SANBR: variants seen among roughly 807,000 people sequenced by gnomAD.
The protein encoded by SANBR is SANT and BTB domain regulator of class switch recombination.
A neutral mutation model predicts 101.8 loss-of-function variants in SANBR; 77 were observed. The observed-to-expected ratio is 0.76, with a 90% CI of 0.63 to 0.91. The LOEUF is 0.91. SANBR is among the 40% of genes least tolerant of loss of function. The probability of loss-of-function intolerance (pLI) is 0.00; values close to 1 mark genes in which losing one functional copy is unlikely to be tolerated. For synonymous variants in SANBR, 279 were observed against 274.7 expected (o/e 1.02, Z -0.15); for missense variants, 875 against 853.0 (o/e 1.03, Z -0.32).
intron 13 of SANBR, among the ~76,000 whole-genome samples, chr2:61,104,282 A>T (rs1683435819): frequency 6.6e-6 from 1 of 152,038 alleles, no homozygotes; most frequent in South Asian, 2.1e-4. Flanking sequence ...GGAGATCGAG[A>T]GCATCCTGGC....
At chr2:61,121,121 T>C in intron 20 of SANBR, 64 bp from the exon 21 acceptor site, 1 of 1,159,446 alleles carries the variant, frequency 8.6e-7, no homozygotes, top group Admixed American at 2.5e-5. Flanking sequence ...AGTAATCCCA[T>C]TTTAATAAAG....
chr2:61,100,956 C>G (rs969265753), intron 12 of SANBR, among the ~76,000 whole-genome samples: 2 of 152,022 alleles, frequency 1.3e-5, no homozygotes, highest in Non-Finnish European at 2.9e-5. Flanking sequence ...AGGATTTTGC[C>G]AGATGGGGAT....
intron 21 of SANBR, among the ~76,000 whole-genome samples, chr2:61,136,373 G>A (rs960004159): frequency 2.6e-5 from 4 of 151,714 alleles, no homozygotes; most frequent in Admixed American, 2.0e-4. Context: ...AGTGGCTCAC[G>A]CCTGTAATCC....
rs1684396986 is a variant in SANBR, at chr2:61,123,091, A to C, written c.*929A>C. 1 of 971,074 alleles carries C rather than the reference A, an allele frequency of 1.0e-6. No individual in the cohort carries two copies. Among genetic ancestry groups the C allele is most frequent in the Non-Finnish European group, 1.2e-6 (1 of 816,894 alleles). The allele number at this position is 971,074 out of a possible 1,614,324, so 60.2% of individuals were successfully genotyped here. ...CATATATTCAAGAAAAATCAAAATA[A>C]AATTCTATTTTATAAATCATGTTTA... On this transcript the variant is annotated 3_prime_UTR_variant, in exon 22 of 22. Coordinates refer to ENST00000402291, the MANE Select transcript of SANBR (RefSeq NM_001129993.3).
At chr2:61,073,577 A>C (rs770460024) in intron 5 of SANBR, 26 bp downstream of exon 5, 21 of 1,265,290 alleles carry the variant, frequency 1.7e-5, no homozygotes, top group Non-Finnish European at 2.0e-5. Context: ...TTTGCTAGAT[A>C]AGATTAAATA....
At chr2:61,106,706 T>A in intron 14 of SANBR, 44 bp downstream of exon 14, 3 of 1,116,548 alleles carry the variant, frequency 2.7e-6, no homozygotes, top group Non-Finnish European at 3.9e-6. Context: ...CATAAATAAT[T>A]AATGACATTT....
rs1441687635 is a variant in SANBR, at chr2:61,073,455, A to G, written c.338-3A>G. On this transcript the variant is annotated splice_region_variant and splice_polypyrimidine_tract_variant and intron_variant, in intron 4 of 21. Transcript: ENST00000402291. ...TTTGTATGTGTTTGTTTCTGTATTT[A>G]AGGAAGACATAGTATAGCTTCCACA... is the stretch of plus-strand genomic sequence containing the variant. 5.5e-6 allele frequency: 8 copies of G among 1,459,370 alleles called. No individual in the cohort carries two copies. The highest frequency in any genetic ancestry group is 7.5e-6 in the Non-Finnish European group (8 of 1,061,924). 90.4% of individuals were successfully genotyped at this position (1,459,370 alleles called of 1,614,324 possible). A position where few individuals can be genotyped will look rare whatever the true frequency, so the allele number is the denominator to read the frequency against.
At chr2:61,083,390 ATTCT>A in intron 8 of SANBR, 76 bp downstream of exon 8, 1 of 977,068 alleles carries the variant, frequency 1.0e-6, no homozygotes. Flanking sequence ...TGAGTGAAAT[ATTCT>A]TTCTTTTTTC....
At chr2:61,110,419 C>T (rs1683773552) in intron 16 of SANBR, among the ~76,000 whole-genome samples, 1 of 152,036 alleles carries the variant, frequency 6.6e-6, no homozygotes, top group South Asian at 2.1e-4. Flanking sequence ...ATGGCTCATG[C>T]CTGTAATCTC....
chr2:61,125,313 C>T (rs556514154), downstream of SANBR, among the ~76,000 whole-genome samples: 5 of 152,172 alleles, frequency 3.3e-5, no homozygotes, highest in Non-Finnish European at 5.9e-5. Context: ...TATCCCTTTT[C>T]CTGTAACTTG....
rs1684387687 is a variant in SANBR at position 61,122,820 on chromosome 2, C to T, written c.*658C>T. 1.0e-6 allele frequency: 1 copy of T among 985,156 alleles called. No individual in the cohort carries two copies. The highest frequency in any genetic ancestry group is 6.2e-5 in the Admixed American group (1 of 16,242). 61.0% of individuals were successfully genotyped at this position (985,156 alleles called of 1,614,324 possible). A position where few individuals can be genotyped will look rare whatever the true frequency, so the allele number is the denominator to read the frequency against. ...TTTTTAATGCTTATCTATTGATCAT[C>T]TGAGCTGGAATTACTGATTATTACT... On this transcript the variant is annotated 3_prime_UTR_variant, in exon 22 of 22. Coordinates refer to ENST00000402291, the MANE Select transcript of SANBR (RefSeq NM_001129993.3).
At chr2:61,120,312 C>T (rs964306070) in intron 20 of SANBR, among the ~76,000 whole-genome samples, 12 of 152,082 alleles carry the variant, frequency 7.9e-5, no homozygotes, top group East Asian at 1.9e-4. Flanking sequence ...ACCATCTGGC[C>T]AACATGGTGA....
chr2:61,124,514 A>G (rs1684456909), downstream of SANBR, among the ~76,000 whole-genome samples: 1 of 152,120 alleles, frequency 6.6e-6, no homozygotes, highest in South Asian at 2.1e-4. Context: ...AGCCTGGGCA[A>G]CATAGTGAGA....
At chr2:61,090,847 A>G (rs2104899129) in intron 10 of SANBR, among the ~76,000 whole-genome samples, 1 of 151,724 alleles carries the variant, frequency 6.6e-6, no homozygotes, top group Middle Eastern at 3.4e-3. Context: ...AAGCGCTAGG[A>G]TTACAGGTGT....
intron 12 of SANBR, among the ~76,000 whole-genome samples, chr2:61,098,677 C>T (rs1286817189): frequency 6.6e-6 from 1 of 152,162 alleles, no homozygotes; most frequent in East Asian, 1.9e-4. Context: ...GTTAGATTCT[C>T]TGATCACAAA....
At chr2:61,071,243 A>G (rs1681448292) in intron 3 of SANBR, among the ~76,000 whole-genome samples, 2 of 152,204 alleles carry the variant, frequency 1.3e-5, no homozygotes, top group Non-Finnish European at 2.9e-5. Flanking sequence ...TACCTTCTCA[A>G]TTTTTTATTT....
intron 20 of SANBR, among the ~76,000 whole-genome samples, chr2:61,133,427 T>C (rs980864940): frequency 6.6e-5 from 10 of 152,022 alleles, no homozygotes; most frequent in Non-Finnish European, 4.4e-5. Flanking sequence ...TTGTACACTT[T>C]TGTTAATTTT....
chr2:61,107,811 A>G (rs989797603), intron 14 of SANBR, among the ~76,000 whole-genome samples: 1 of 151,818 alleles, frequency 6.6e-6, no homozygotes, highest in African/African-American at 2.4e-5. Flanking sequence ...GCTTAAACCC[A>G]GAAGGCGGAG....
In SANBR at chr2:61,071,719, C is replaced by G; in HGVS notation, c.264C>G (p.Ile88Met). 3 of 1,607,902 alleles carry G rather than the reference C, an allele frequency of 1.9e-6. No homozygotes were observed. The highest frequency in any genetic ancestry group is 1.7e-6 in the Non-Finnish European group (2 of 1,178,016). Residue 88 changes from isoleucine to methionine, a missense_variant, in exon 4 of 22, where the codon ATC (isoleucine) becomes ATG (methionine). By Grantham distance (10) the Ile-to-Met change is conservative. Coordinates refer to ENST00000402291, the MANE Select transcript of SANBR (RefSeq NM_001129993.3). ...CTGTTGAAACTTTAGCCACATATAT[C>G]AAATCCTCACTTCTTGACATACATG... ...ESPVETLATY[I>M]KSSLLDIHGE...
Sources: allele counts gnomAD v4.1 joint callset (sites outside exome capture counted in the v4.1 genomes callset), GRCh38; gene constraint gnomAD v4.1.1; transcripts MANE v1.5; gene names NCBI Gene and HGNC (gene_info 2026-07-23, HGNC 2026-07-21).